The following SYAP1 variants were observed in gnomAD, a reference collection of about 807,000 sequenced individuals.
The protein encoded by SYAP1 is synapse associated protein 1, also known as synapse-associated protein 1.
A neutral mutation model predicts 29.6 loss-of-function variants in SYAP1; 3 were observed. The ratio of observed to expected loss-of-function variants is 0.10; its 90% confidence interval spans 0.05 to 0.26. The LOEUF (loss-of-function observed/expected upper bound fraction) is 0.26. Among genes scored for constraint, SYAP1 ranks in the 10% least tolerant of loss-of-function variants. The pLI is 1.00. For missense variants in SYAP1, 217 were observed against 264.1 expected (o/e 0.82, Z 1.24); for synonymous variants, 102 against 102.7 (o/e 0.99, Z 0.04).
At chrX:16,739,680 C>T (rs956468179) in intron 3 of SYAP1, among the ~76,000 whole-genome samples, 3 of 110,680 alleles carry the variant, frequency 2.7e-5, no homozygotes, top group Non-Finnish European at 3.8e-5. Flanking sequence ...GCATAGGTGC[C>T]CTAACTGCCA....
chrX:16,753,422 AT>A (rs201256147), intron 5 of SYAP1, among the ~76,000 whole-genome samples: 11 of 109,558 alleles, frequency 1.0e-4, no homozygotes, highest in African/African-American at 2.0e-4. Flanking sequence ...TCAAAAAAAA[AT>A]AATAATAATT....
At chrX:16,741,939 C>T in intron 4 of SYAP1, 150 bp downstream of exon 4, 1 of 397,928 alleles carries the variant, frequency 2.5e-6, no homozygotes, top group Non-Finnish European at 4.5e-6. Context: ...ATGATGTGTA[C>T]ATTAACAAAA....
intron 5 of SYAP1, among the ~76,000 whole-genome samples, chrX:16,753,622 G>A (rs759073803): frequency 9.0e-6 from 1 of 110,862 alleles, no homozygotes; most frequent in African/African-American, 3.3e-5. Flanking sequence ...TTGGTATTTT[G>A]CAAGATCTGG....
intron 5 of SYAP1, among the ~76,000 whole-genome samples, chrX:16,752,407 T>TTATTATTA (rs1250962008): frequency 1.1e-5 from 1 of 88,863 alleles, no homozygotes; most frequent in Non-Finnish European, 2.4e-5. Flanking sequence ...TATTATTATT[T>TTATTATTA]TGAAACACAA....
chrX:16,745,529 C>T (rs933422661), intron 5 of SYAP1, among the ~76,000 whole-genome samples: 5 of 110,320 alleles, frequency 4.5e-5, no homozygotes, highest in African/African-American at 1.7e-4. Context: ...TGTCTGAGAC[C>T]AGCCTGGGCA....
At chrX:16,738,845 C>G (rs1268043312) in intron 3 of SYAP1, among the ~76,000 whole-genome samples, 1 of 111,732 alleles carries the variant, frequency 8.9e-6, no homozygotes, top group Non-Finnish European at 1.9e-5. Flanking sequence ...AAATGTGTTC[C>G]ATGCATTTCT....
intron 1 of SYAP1, among the ~76,000 whole-genome samples, chrX:16,720,840 C>T (rs1401522759): frequency 1.8e-5 from 2 of 110,356 alleles, no homozygotes; most frequent in Non-Finnish European, 3.8e-5. Context: ...CGATGTAACC[C>T]CGTCTCTACT....
chrX:16,730,636 T>A (rs993520054), intron 1 of SYAP1, among the ~76,000 whole-genome samples: 1 of 112,196 alleles, frequency 8.9e-6, no homozygotes, highest in African/African-American at 3.2e-5. Context: ...AGAGACCTAA[T>A]CACCTTTAAA....
intron 1 of SYAP1, 134 bp downstream of exon 1, chrX:16,720,033 C>T (rs1024718203): frequency 2.4e-5 from 15 of 627,822 alleles, no homozygotes; most frequent in Non-Finnish European, 3.6e-5. Flanking sequence ...ATGTGTCTGT[C>T]GGTCAGTCCT....
intron 1 of SYAP1, among the ~76,000 whole-genome samples, chrX:16,729,880 A>G (rs1246785316): frequency 5.4e-5 from 6 of 111,824 alleles, no homozygotes; most frequent in African/African-American, 9.7e-5. Flanking sequence ...TTTACAATCA[A>G]TCTTCCACAA....
chrX:16,728,720 CA>C (rs1411254247), intron 1 of SYAP1, among the ~76,000 whole-genome samples: 1 of 109,142 alleles, frequency 9.2e-6, no homozygotes, highest in Non-Finnish European at 1.9e-5. Flanking sequence ...TCATGGATGA[CA>C]AAAGGTTTTC....
Position 16,755,074 on chromosome X carries a change from G to A in SYAP1, c.705G>A (p.Glu235=), listed in dbSNP as rs375520660. ...AGGAGGAGAAGAGCAATGGCAGAGA[G>A]CAAGATTTGCCGCTGGCAGGTATAT... The part of the protein sequence containing the change: ...AGKEEKSNGR[E]QDLPLAEAVR... Residue 235 remains glutamate (E), a synonymous_variant, in exon 6 of 9, where the codon GAG becomes GAA. Coordinates refer to ENST00000380155, the MANE Select transcript of SYAP1 (RefSeq NM_032796.4). 73 of 1,209,832 alleles carry A rather than the reference G, an allele frequency of 6.0e-5. No individual in the cohort carries two copies. The South Asian group carries it at 1.2e-3, about 19-fold the overall frequency.
intron 6 of SYAP1, among the ~76,000 whole-genome samples, chrX:16,755,985 T>C (rs1231838802): frequency 8.9e-6 from 1 of 111,772 alleles, no homozygotes; most frequent in Non-Finnish European, 1.9e-5. Flanking sequence ...CTGCTGTTAG[T>C]GTCAGGGAAA....
chrX:16,759,065 G>A (rs1443861161), intron 8 of SYAP1, among the ~76,000 whole-genome samples: 1 of 107,663 alleles, frequency 9.3e-6, no homozygotes, highest in African/African-American at 3.4e-5. Context: ...GGTGGTGGGT[G>A]CCTGTAGTCC....
chrX:16,752,716 G>A lies in SYAP1; in HGVS notation c.576-2229G>A, dbSNP rs188533034. Among the ~76,000 whole-genome samples the A allele has an allele frequency of 4.5e-5, 5 of 111,282 alleles. No homozygotes were observed. The East Asian group carries it at 1.4e-3, about 31-fold the overall frequency. The stretch of plus-strand genomic sequence containing the variant: ...AATCTCCTTATGTCTGTTGCATGCT[G>A]TCAGGTGGCACATGCAGCCATTTGT... On this transcript the variant is annotated intron_variant, in intron 5 of 8. Transcript: ENST00000380155.
At chrX:16,753,108 G>A (rs1392551050) in intron 5 of SYAP1, among the ~76,000 whole-genome samples, 1 of 109,728 alleles carries the variant, frequency 9.1e-6, no homozygotes, top group Admixed American at 9.8e-5. Flanking sequence ...GCTGGGCATG[G>A]TGGTGGGCGC....
In SYAP1 at chrX:16,732,946, T is replaced by G. The variant is rs146321877; in HGVS notation, c.176-2281T>G. 5.2e-3 allele frequency among the ~76,000 whole-genome samples: 585 copies of G among 111,970 alleles called. 7 individuals are homozygous for G. Among genetic ancestry groups the G allele is most frequent in the African/African-American group, 0.018 (549 of 30,832 alleles). On this transcript the variant is annotated intron_variant, in intron 1 of 8. Transcript: ENST00000380155. ...GTAATCGGTAGAGTGTTTTGAAGAT[T>G]GTTGATCAGGCAACAGTCTTCAAAA...
At position 16,719,650 on chromosome X, in the gene SYAP1, A is replaced by G. The variant is rs1454115204; in HGVS notation, c.-75A>G. On this transcript the variant is annotated 5_prime_UTR_variant, in exon 1 of 9. Coordinates refer to ENST00000380155, the MANE Select transcript of SYAP1 (RefSeq NM_032796.4). ...CCGGACATCTCCCTGGGAGTCGCGC[A>G]GAGTGGAGTCAAAGGCAACCAGTGC... is the stretch of plus-strand genomic sequence containing the variant. 3 of 1,096,206 alleles carry G rather than the reference A, an allele frequency of 2.7e-6. No homozygotes were observed. The East Asian group carries it at 1.0e-4, about 36-fold the overall frequency. 90.3% of individuals were successfully genotyped at this position (1,096,206 alleles called of 1,213,427 possible).
At chrX:16,736,288 G>A in intron 3 of SYAP1, 56 bp downstream of exon 3, 2 of 805,517 alleles carry the variant, frequency 2.5e-6, no homozygotes, top group Non-Finnish European at 1.9e-6. Context: ...CACCTGTTAT[G>A]TGCTAGATAC....
Sources: gnomAD v4.1 joint callset for allele counts (sites outside exome capture counted in the v4.1 genomes callset) on GRCh38, gnomAD v4.1.1 for gene constraint, MANE v1.5 for transcripts, NCBI Gene and HGNC (gene_info 2026-07-23, HGNC 2026-07-21) for gene names.